Variants in ARHGAP15 observed in about 807,000 individuals in gnomAD.
The protein encoded by ARHGAP15 is rho GTPase-activating protein 15.
In ARHGAP15, 51 loss-of-function variants were observed where a neutral mutation model predicts 63.7. The ratio of observed to expected loss-of-function variants is 0.80; its 90% CI spans 0.64 to 1.01. The LOEUF is 1.01. Among genes scored for constraint, ARHGAP15 ranks in the 50% least tolerant of loss-of-function variants. The probability of loss-of-function intolerance (pLI) is 0.00; values close to 1 mark genes in which losing one functional copy is unlikely to be tolerated. For synonymous variants in ARHGAP15, 191 were observed against 193.8 expected (o/e 0.99, Z 0.12); for missense variants, 560 against 564.6 (o/e 0.99, Z 0.08).
chr2:143,706,008 T>G (rs957592427), intron 13 of ARHGAP15, among the ~76,000 whole-genome samples: 1 of 152,202 alleles, frequency 6.6e-6, no homozygotes, highest in Non-Finnish European at 1.5e-5. Context: ...TAAGATCAGA[T>G]TATTATATCA....
intron 10 of ARHGAP15, among the ~76,000 whole-genome samples, chr2:143,523,277 A>G (rs1043375625): frequency 3.3e-5 from 5 of 152,128 alleles, no homozygotes; most frequent in Admixed American, 6.6e-5. Flanking sequence ...GATAAGTACT[A>G]TGAGAGAAAA....
intron 6 of ARHGAP15, among the ~76,000 whole-genome samples, chr2:143,257,987 G>A (rs933798223): frequency 1.6e-4 from 25 of 152,134 alleles, no homozygotes; most frequent in African/African-American, 6.0e-4. Context: ...GAGCAGCCAT[G>A]TGTATTTCAT....
chr2:143,504,449 G>C (rs1693210754), intron 9 of ARHGAP15, among the ~76,000 whole-genome samples: 1 of 152,128 alleles, frequency 6.6e-6, no homozygotes, highest in Non-Finnish European at 1.5e-5. Flanking sequence ...GGCTCCACTA[G>C]AAGACACACT....
chr2:143,661,165 C>T (rs759042093), intron 12 of ARHGAP15, among the ~76,000 whole-genome samples: 8 of 152,178 alleles, frequency 5.3e-5, no homozygotes, highest in Non-Finnish European at 1.2e-4. Context: ...CTTTTAAAGA[C>T]CAATGTGATC....
chr2:143,680,098 T>C (rs1181625532), intron 12 of ARHGAP15, among the ~76,000 whole-genome samples: 1 of 150,316 alleles, frequency 6.7e-6, no homozygotes, highest in Non-Finnish European at 1.5e-5. Flanking sequence ...GGAGGAATAG[T>C]TAAATCATTT....
Position 143,392,103 on chromosome 2 carries a change from A to G in ARHGAP15, c.475-43498A>G, listed in dbSNP as rs532240557. ...GAAACTTATCATGCTCTGAATGGTC[A>G]GTTTCCAAAGTAACTCCAATCTATT... is the stretch of plus-strand genomic sequence containing the variant. On this transcript the variant is annotated intron_variant, in intron 6 of 13. Transcript: ENST00000295095. 1.1e-4 allele frequency among the ~76,000 whole-genome samples: 16 copies of G among 152,312 alleles called. 1 individual carries two copies. In the South Asian group the frequency reaches 2.7e-3, roughly 26 times the overall value.
At chr2:143,627,453 C>T (rs1392063632) in intron 12 of ARHGAP15, among the ~76,000 whole-genome samples, 3 of 152,070 alleles carry the variant, frequency 2.0e-5, no homozygotes, top group Non-Finnish European at 4.4e-5. Context: ...AGAGAATGGC[C>T]ACCTAGATCC....
At chr2:143,327,846 C>G (rs1684326368) in intron 6 of ARHGAP15, among the ~76,000 whole-genome samples, 1 of 151,848 alleles carries the variant, frequency 6.6e-6, no homozygotes, top group African/African-American at 2.4e-5. Context: ...GTTTTGCAAT[C>G]TATCCATCTG....
chr2:143,562,895 A>T (rs1329756397), intron 11 of ARHGAP15, among the ~76,000 whole-genome samples: 1 of 152,208 alleles, frequency 6.6e-6, no homozygotes, highest in South Asian at 2.1e-4. Flanking sequence ...AAATAAGTTT[A>T]TGAATCCTGA....
At chr2:143,320,076 G>A (rs1683935924) in intron 6 of ARHGAP15, among the ~76,000 whole-genome samples, 1 of 152,086 alleles carries the variant, frequency 6.6e-6, no homozygotes. Flanking sequence ...AACATGAAAC[G>A]TCTCCTCTGT....
intron 6 of ARHGAP15, among the ~76,000 whole-genome samples, chr2:143,302,735 A>G (rs1194478883): frequency 6.6e-6 from 1 of 152,024 alleles, no homozygotes; most frequent in African/African-American, 2.4e-5. Context: ...ATGTGAATTC[A>G]GGAGGAATAG....
intron 6 of ARHGAP15, among the ~76,000 whole-genome samples, chr2:143,365,815 GCTTCAATGCACAAATATTCCGAA>G (rs2105346137): frequency 6.6e-6 from 1 of 152,088 alleles, no homozygotes; most frequent in East Asian, 1.9e-4. Flanking sequence ...AACTATTTTT[GCTTCAATGCACAAATATTCCGAA>G]GATCAATGAC....
At chr2:143,265,236 T>TA (rs397933206) in intron 6 of ARHGAP15, among the ~76,000 whole-genome samples, 1 of 145,196 alleles carries the variant, frequency 6.9e-6, no homozygotes, top group Non-Finnish European at 1.5e-5. Context: ...TTTTTTTTTT[T>TA]AATAGAACGA....
At chr2:143,436,787 G>T (rs1689630985) in intron 7 of ARHGAP15, 126 bp from the exon 8 acceptor site, 2 of 860,442 alleles carry the variant, frequency 2.3e-6, no homozygotes, top group South Asian at 1.6e-5. Flanking sequence ...TTAGCATAGA[G>T]GACCTATCCT....
chr2:143,692,393 G>A (rs1472597481), intron 12 of ARHGAP15, among the ~76,000 whole-genome samples: 1 of 152,080 alleles, frequency 6.6e-6, no homozygotes, highest in Non-Finnish European at 1.5e-5. Context: ...AGAAGTCTCC[G>A]ACTTTCATTA....
chr2:143,639,912 G>C (rs558818092), intron 12 of ARHGAP15, among the ~76,000 whole-genome samples: 2 of 152,186 alleles, frequency 1.3e-5, no homozygotes, highest in South Asian at 4.1e-4. Context: ...CAAACTTACA[G>C]AATAAGACCA....
At chr2:143,663,285 T>C (rs1213476301) in intron 12 of ARHGAP15, among the ~76,000 whole-genome samples, 5 of 151,132 alleles carry the variant, frequency 3.3e-5, no homozygotes, top group African/African-American at 7.3e-5. Flanking sequence ...AAAAGAATTT[T>C]CAACCCAGAA....
chr2:143,718,900 G>A (rs944182104), intron 13 of ARHGAP15, among the ~76,000 whole-genome samples: 2 of 152,220 alleles, frequency 1.3e-5, no homozygotes, highest in South Asian at 2.1e-4. Context: ...CCCTTCCCAT[G>A]TCTGGGAGTG....
At chr2:143,675,300 T>C (rs1487919619) in intron 12 of ARHGAP15, among the ~76,000 whole-genome samples, 2 of 152,188 alleles carry the variant, frequency 1.3e-5, no homozygotes, top group Non-Finnish European at 2.9e-5. Flanking sequence ...AAGTCTTAAC[T>C]CCTCAAAGTC....
Sources: allele counts gnomAD v4.1 joint callset (sites outside exome capture counted in the v4.1 genomes callset), GRCh38; gene constraint gnomAD v4.1.1; transcripts MANE v1.5; gene names NCBI Gene and HGNC (gene_info 2026-07-23, HGNC 2026-07-21).